Variants in PDGFD observed in about 807,000 individuals in gnomAD.
The protein encoded by PDGFD is platelet-derived growth factor D.
A neutral mutation model predicts 44.7 loss-of-function variants in PDGFD; 30 were observed. The observed-to-expected ratio is 0.67, with a 90% CI of 0.50 to 0.91. The LOEUF is 0.91. Among genes scored for constraint, PDGFD ranks in the 40% least tolerant of loss-of-function variants. PDGFD has a pLI of 0.00. For synonymous variants in PDGFD, 173 were observed against 168.4 expected (o/e 1.03, Z -0.21); for missense variants, 445 against 457.8 (o/e 0.97, Z 0.25).
intron 5 of PDGFD, among the ~76,000 whole-genome samples, chr11:103,935,122 G>A (rs1480384148): frequency 6.6e-6 from 1 of 152,138 alleles, no homozygotes; most frequent in African/African-American, 2.4e-5. Context: ...GTTACCTATG[G>A]CTTTCCACTG....
At chr11:103,999,371 T>C (rs1844408328) in intron 2 of PDGFD, among the ~76,000 whole-genome samples, 1 of 152,218 alleles carries the variant, frequency 6.6e-6, no homozygotes, top group Non-Finnish European at 1.5e-5. Flanking sequence ...TAAAATGCTG[T>C]GAGCGGACAT....
chr11:103,925,981 G>A (rs142921249), intron 6 of PDGFD, among the ~76,000 whole-genome samples: 2,080 of 151,768 alleles, frequency 0.014, 42 homozygotes, highest in African/African-American at 0.047. Flanking sequence ...CACCCACCTC[G>A]GCCTCCCAAA....
rs367890580 is a variant in PDGFD at position 104,032,156 on chromosome 11, T to A, written c.125-31901A>T. Among the ~76,000 whole-genome samples the A allele has an allele frequency of 1.5e-4, 23 of 151,282 alleles. No individual in the cohort carries two copies. In the East Asian group the frequency reaches 4.5e-3, roughly 29 times the overall value. ...CATGTACCCTAGAACTTAAAATAAA[T>A]TAAAAAGAAATAAACACAGATATAT... On this transcript the variant is annotated intron_variant, in intron 1 of 6. Transcript: ENST00000393158.
intron 1 of PDGFD, among the ~76,000 whole-genome samples, chr11:104,081,853 C>T (rs1861048945): frequency 6.6e-6 from 1 of 152,050 alleles, no homozygotes; most frequent in African/African-American, 2.4e-5. Flanking sequence ...TTGAACTCCT[C>T]TTGCAATTCA....
At chr11:103,910,185 T>C (rs1651063265) in intron 6 of PDGFD, among the ~76,000 whole-genome samples, 1 of 152,202 alleles carries the variant, frequency 6.6e-6, no homozygotes, top group Admixed American at 6.5e-5. Flanking sequence ...GTGTTATAGA[T>C]GAATACAATA....
intron 5 of PDGFD, among the ~76,000 whole-genome samples, chr11:103,931,189 A>G (rs1469984115): frequency 6.6e-6 from 1 of 152,226 alleles, no homozygotes; most frequent in Non-Finnish European, 1.5e-5. Flanking sequence ...AAAGTGAAAC[A>G]TATTTATTAT....
At chr11:104,130,491 ATTAGCTC>A (rs1473163284) in intron 1 of PDGFD, among the ~76,000 whole-genome samples, 3 of 152,298 alleles carry the variant, frequency 2.0e-5, no homozygotes, top group South Asian at 4.1e-4. Flanking sequence ...CTAGAGAGAT[ATTAGCTC>A]TGGAAAGGGC....
intron 5 of PDGFD, among the ~76,000 whole-genome samples, chr11:103,929,957 A>T (rs1376987798): frequency 6.6e-6 from 1 of 152,094 alleles, no homozygotes; most frequent in East Asian, 1.9e-4. Flanking sequence ...CTGTTCCTGC[A>T]TCAGTCTCCA....
At chr11:103,989,261 T>A (rs1286295524) in intron 3 of PDGFD, among the ~76,000 whole-genome samples, 1 of 152,156 alleles carries the variant, frequency 6.6e-6, no homozygotes. Flanking sequence ...TTGGTGAAAT[T>A]TTAGAATATT....
intron 1 of PDGFD, among the ~76,000 whole-genome samples, chr11:104,074,516 G>T (rs543236130): frequency 6.6e-6 from 1 of 152,240 alleles, no homozygotes; most frequent in East Asian, 1.9e-4. Context: ...GAATGAATAG[G>T]AACCAAAAAC....
intron 3 of PDGFD, among the ~76,000 whole-genome samples, chr11:103,952,070 T>C (rs905545913): frequency 1.3e-5 from 2 of 152,180 alleles, no homozygotes; most frequent in African/African-American, 4.8e-5. Context: ...CCAGTGTCCA[T>C]TCTGACTGGT....
intron 1 of PDGFD, chr11:104,038,191 C>T (rs974700836): frequency 1.8e-5 from 12 of 663,182 alleles, no homozygotes; most frequent in Non-Finnish European, 3.1e-5. Flanking sequence ...CTTGGTCCCT[C>T]TTCCATTTCC....
chr11:104,155,468 G>A (rs374304990), intron 1 of PDGFD, among the ~76,000 whole-genome samples: 2 of 152,138 alleles, frequency 1.3e-5, no homozygotes, highest in East Asian at 1.9e-4. Flanking sequence ...GAGGAGGCAG[G>A]AAAACTACTA....
intron 1 of PDGFD, among the ~76,000 whole-genome samples, chr11:104,124,188 C>T (rs2134465829): frequency 6.6e-6 from 1 of 151,896 alleles, no homozygotes; most frequent in South Asian, 2.1e-4. Flanking sequence ...AGAGAAAGGT[C>T]CTAAACAGAA....
At chr11:103,964,676 A>G (rs563653085) in intron 3 of PDGFD, among the ~76,000 whole-genome samples, 16 of 152,198 alleles carry the variant, frequency 1.1e-4, no homozygotes, top group African/African-American at 3.6e-4. Context: ...GGTTCCAGAG[A>G]CAATGGATCA....
At chr11:104,144,507 CAAAAAAAAA>C (rs201864924) in intron 1 of PDGFD, among the ~76,000 whole-genome samples, 3 of 73,820 alleles carry the variant, frequency 4.1e-5, no homozygotes, top group East Asian at 7.0e-4. Flanking sequence ...ACTCCGTCAC[CAAAAAAAAA>C]AAAAAAAAAA....
Position 103,958,217 on chromosome 11 carries a change from T to A in PDGFD, c.511-10493A>T, listed in dbSNP as rs376591962. 2.1e-4 allele frequency among the ~76,000 whole-genome samples: 32 copies of A among 152,298 alleles called. No homozygotes were observed. In the South Asian group the frequency reaches 6.4e-3, roughly 31 times the overall value. ...AAGCAGAAAGACAGGATGCAAGCCC[T>A]ATTATTAAGGAAGTGCCACAGATAC... On this transcript the variant is annotated intron_variant, in intron 3 of 6. Transcript: ENST00000393158.
chr11:103,998,597 GA>G (rs1859573120), intron 2 of PDGFD, among the ~76,000 whole-genome samples: 1 of 152,152 alleles, frequency 6.6e-6, no homozygotes, highest in East Asian at 1.9e-4. Flanking sequence ...TAATAGCAAG[GA>G]AACTGTTTCC....
intron 1 of PDGFD, among the ~76,000 whole-genome samples, chr11:104,087,499 G>A (rs112166334): frequency 0.042 from 6,371 of 152,198 alleles, 186 homozygotes; most frequent in Non-Finnish European, 0.06. Flanking sequence ...GAGCAACTGA[G>A]CCACCGTGCC....
Sources: gnomAD v4.1 joint callset for allele counts (sites outside exome capture counted in the v4.1 genomes callset) on GRCh38, gnomAD v4.1.1 for gene constraint, MANE v1.5 for transcripts, NCBI Gene and HGNC (gene_info 2026-07-23, HGNC 2026-07-21) for gene names.